The following AGBL4 variants were observed in gnomAD, a reference collection of about 807,000 sequenced individuals.
The protein encoded by AGBL4 is cytosolic carboxypeptidase 6.
Under a neutral mutation model 66.4 loss-of-function variants are expected in AGBL4, and 58 were observed. The observed-to-expected ratio is 0.87, with a 90% CI of 0.71 to 1.09. AGBL4 has a LOEUF of 1.09. AGBL4 is among the 50% of genes least tolerant of loss of function. The probability of loss-of-function intolerance (pLI) is 0.00; values close to 1 mark genes in which losing one functional copy is unlikely to be tolerated. For synonymous variants in AGBL4, 234 were observed against 222.9 expected (o/e 1.05, Z -0.44); for missense variants, 579 against 631.0 (o/e 0.92, Z 0.88).
At chr1:48,783,128 A>G (rs1181028962) in intron 6 of AGBL4, among the ~76,000 whole-genome samples, 2 of 152,084 alleles carry the variant, frequency 1.3e-5, no homozygotes, top group Non-Finnish European at 1.5e-5. Flanking sequence ...TTTTGCCCAG[A>G]AAAGTAATTT....
At chr1:49,161,098 T>C (rs1416654096) in intron 4 of AGBL4, among the ~76,000 whole-genome samples, 1 of 151,494 alleles carries the variant, frequency 6.6e-6, no homozygotes, top group Non-Finnish European at 1.5e-5. Context: ...CAGTAGGGTA[T>C]GAAAAAAAAA....
chr1:49,907,823 A>G (rs952689776), intron 1 of AGBL4, among the ~76,000 whole-genome samples: 1 of 152,124 alleles, frequency 6.6e-6, no homozygotes, highest in Non-Finnish European at 1.5e-5. Flanking sequence ...ATAATGTGTC[A>G]ATGTAGGTTC....
intron 2 of AGBL4, among the ~76,000 whole-genome samples, chr1:49,743,533 C>A (rs1386891021): frequency 6.6e-6 from 1 of 152,068 alleles, no homozygotes; most frequent in Non-Finnish European, 1.5e-5. Context: ...TACCATTTGA[C>A]CCAGACATCC....
At position 49,027,148 on chromosome 1, in the gene AGBL4, C is replaced by T. The variant is rs143327288; in HGVS notation, c.594+18436G>A. Among the ~76,000 whole-genome samples, 57 of 152,120 alleles carry T rather than the reference C, an allele frequency of 3.7e-4. 1 individual carries two copies. The East Asian group carries it at 0.011, about 28-fold the overall frequency. Reference sequence around the variant, plus strand: ...CATACCTTCTTCCCAGCAAAACAACCGTTTAACTGCTAATTTTTTTTTCTT... The same window carrying T: ...CATACCTTCTTCCCAGCAAAACAACTGTTTAACTGCTAATTTTTTTTTCTT... On this transcript the variant is annotated intron_variant, in intron 5 of 13. Coordinates refer to ENST00000371839, the MANE Select transcript of AGBL4 (RefSeq NM_032785.4).
Position 49,971,907 on chromosome 1 carries a change from G to GTTTTTTT in AGBL4, c.34+51849_34+51855dup, listed in dbSNP as rs745772850. Among the ~76,000 whole-genome samples the GTTTTTTT allele has an allele frequency of 3.5e-3, 81 of 23,444 alleles. 5 individuals are homozygous for GTTTTTTT. The highest frequency in any genetic ancestry group is 7.0e-3 in the South Asian group (2 of 284). The allele number at this position is 23,444 out of a possible 152,430, so 15.4% of individuals were successfully genotyped here. A position where few individuals can be genotyped will look rare whatever the true frequency, so the allele number is the denominator to read the frequency against. On this transcript the variant is annotated intron_variant, in intron 1 of 13. Transcript: ENST00000371839. ...AAGTACAAGTGCAGGGTTTTTTTGGGTTTTTTTTTTTTTTTTTTTTTTTTT... is the reference window on the plus strand; with the variant it reads ...AAGTACAAGTGCAGGGTTTTTTTGGGTTTTTTTTTTTTTTTTTTTTTTTTTTTTTTTT...
At chr1:48,931,683 T>C (rs1655049070) in intron 5 of AGBL4, among the ~76,000 whole-genome samples, 1 of 152,026 alleles carries the variant, frequency 6.6e-6, no homozygotes, top group Non-Finnish European at 1.5e-5. Flanking sequence ...CCACACCTAA[T>C]TATTTGTAGA....
At chr1:49,164,247 G>A (rs551293820) in intron 4 of AGBL4, among the ~76,000 whole-genome samples, 48 of 152,138 alleles carry the variant, frequency 3.2e-4, no homozygotes, top group African/African-American at 1.1e-3. Flanking sequence ...TTAGGTTAGG[G>A]TAGTGGGGTC....
At chr1:49,244,905 A>G (rs1570193668) in intron 4 of AGBL4, among the ~76,000 whole-genome samples, 1 of 151,918 alleles carries the variant, frequency 6.6e-6, no homozygotes, top group East Asian at 1.9e-4. Context: ...CTCAATCAAT[A>G]CTTGCTGAAT....
At chr1:48,577,659 C>T (rs1644674996) in intron 11 of AGBL4, among the ~76,000 whole-genome samples, 1 of 151,910 alleles carries the variant, frequency 6.6e-6, no homozygotes, top group Non-Finnish European at 1.5e-5. Flanking sequence ...CAGCCCAAGG[C>T]AGGGCTCACA....
intron 3 of AGBL4, among the ~76,000 whole-genome samples, chr1:49,367,613 G>A (rs1644264188): frequency 6.6e-6 from 1 of 152,186 alleles, no homozygotes; most frequent in Non-Finnish European, 1.5e-5. Context: ...GGCAGAACTT[G>A]TTCCAAAGAT....
At chr1:49,237,895 G>T (rs1020759717) in intron 4 of AGBL4, among the ~76,000 whole-genome samples, 1 of 151,218 alleles carries the variant, frequency 6.6e-6, no homozygotes, top group Non-Finnish European at 1.5e-5. Flanking sequence ...AAGTCTGCTG[G>T]CAAAAATACC....
At chr1:49,293,006 C>T (rs72897755) in intron 3 of AGBL4, among the ~76,000 whole-genome samples, 1,615 of 152,332 alleles carry the variant, frequency 0.011, 28 homozygotes, top group African/African-American at 0.037. Context: ...AAAAGAGCTG[C>T]GGCCCTTTGG....
chr1:49,929,329 A>G (rs1347290363), intron 1 of AGBL4, among the ~76,000 whole-genome samples: 1 of 152,212 alleles, frequency 6.6e-6, no homozygotes, highest in Non-Finnish European at 1.5e-5. Flanking sequence ...AAATTGAAAA[A>G]AAAATCCTAA....
chr1:48,526,150 G>A, the AGBL4 span, among the ~76,000 whole-genome samples: 1 of 152,230 alleles, frequency 6.6e-6, no homozygotes, highest in Non-Finnish European at 1.5e-5. Context: ...ATGAGGTCAT[G>A]CACAGGAACA....
intron 1 of AGBL4, among the ~76,000 whole-genome samples, chr1:49,919,301 G>C (rs1651942258): frequency 6.6e-6 from 1 of 152,174 alleles, no homozygotes; most frequent in African/African-American, 2.4e-5. Flanking sequence ...CATTGGCCCT[G>C]TTTGCAGATG....
chr1:49,040,755 G>T (rs995696850), intron 5 of AGBL4, among the ~76,000 whole-genome samples: 5 of 151,974 alleles, frequency 3.3e-5, no homozygotes, highest in Admixed American at 3.3e-4. Context: ...TCAGCAGATC[G>T]GCAGTTACCT....
At chr1:49,275,655 G>A (rs1462888128) in intron 3 of AGBL4, among the ~76,000 whole-genome samples, 6 of 152,076 alleles carry the variant, frequency 3.9e-5, no homozygotes, top group African/African-American at 1.2e-4. Flanking sequence ...TAGTATACCT[G>A]TTATTACATT....
At chr1:48,982,775 A>G (rs1421148356) in intron 5 of AGBL4, among the ~76,000 whole-genome samples, 2 of 152,152 alleles carry the variant, frequency 1.3e-5, no homozygotes, top group Non-Finnish European at 2.9e-5. Context: ...AGGAATTGCC[A>G]CACTGACTTC....
chr1:50,003,446 A>G (rs1300019406), intron 1 of AGBL4, among the ~76,000 whole-genome samples: 1 of 152,250 alleles, frequency 6.6e-6, no homozygotes, highest in Non-Finnish European at 1.5e-5. Context: ...TAATACTGCA[A>G]TATTCAAAAG....
Sources: gnomAD v4.1 joint callset for allele counts (sites outside exome capture counted in the v4.1 genomes callset) on GRCh38, gnomAD v4.1.1 for gene constraint, MANE v1.5 for transcripts, NCBI Gene and HGNC (gene_info 2026-07-23, HGNC 2026-07-21) for gene names.